R3HDM1: variants seen among roughly 807,000 people sequenced by gnomAD.
R3HDM1 encodes R3H domain-containing protein 1.
A neutral mutation model predicts 141.1 loss-of-function variants in R3HDM1; 46 were observed. That is an observed-to-expected ratio of 0.33 (90% CI 0.26 to 0.42). The LOEUF is 0.42. R3HDM1 is among the 10% of genes least tolerant of loss of function. R3HDM1 has a pLI of 1.00. For missense variants in R3HDM1, 1,184 were observed against 1,368.3 expected (o/e 0.87, Z 2.12); for synonymous variants, 435 against 472.9 (o/e 0.92, Z 1.04).
At chr2:135,593,064 C>T (rs1025642764) in intron 1 of R3HDM1, among the ~76,000 whole-genome samples, 2 of 152,018 alleles carry the variant, frequency 1.3e-5, no homozygotes, top group South Asian at 2.1e-4. Flanking sequence ...GGATTACAGG[C>T]GCCTGCTACC....
intron 23 of R3HDM1, among the ~76,000 whole-genome samples, chr2:135,713,467 T>G (rs2105447916): frequency 6.6e-6 from 1 of 152,328 alleles, no homozygotes; most frequent in South Asian, 2.1e-4. Flanking sequence ...TCCACAGATA[T>G]GCTTCTGGAA....
intron 1 of R3HDM1, among the ~76,000 whole-genome samples, chr2:135,559,642 T>A (rs1701431601): frequency 6.6e-6 from 1 of 152,238 alleles, no homozygotes; most frequent in Non-Finnish European, 1.5e-5. Context: ...ACCATCTCAT[T>A]TCCCTCCTTC....
At chr2:135,653,154 G>T (rs1228733822) in intron 18 of R3HDM1, among the ~76,000 whole-genome samples, 1 of 151,072 alleles carries the variant, frequency 6.6e-6, no homozygotes, top group African/African-American at 2.4e-5. Flanking sequence ...TCAGGAGTTC[G>T]TGACCAGCCT....
intron 3 of R3HDM1, among the ~76,000 whole-genome samples, chr2:135,607,022 C>T (rs1241013834): frequency 1.3e-5 from 2 of 151,670 alleles, no homozygotes; most frequent in African/African-American, 2.4e-5. Context: ...CAGAGTCTCG[C>T]TCTGTCACCA....
chr2:135,585,902 TA>T (rs1319782737), intron 1 of R3HDM1, among the ~76,000 whole-genome samples: 1 of 152,204 alleles, frequency 6.6e-6, no homozygotes, highest in Non-Finnish European at 1.5e-5. Flanking sequence ...TTGTGACAGG[TA>T]AAGTCAGTTG....
At chr2:135,643,030 A>C (rs1465040530) in intron 15 of R3HDM1, among the ~76,000 whole-genome samples, 6 of 152,208 alleles carry the variant, frequency 3.9e-5, no homozygotes, top group Admixed American at 3.9e-4. Flanking sequence ...GGTTTTGGTA[A>C]CATGAAAGAT....
intron 19 of R3HDM1, among the ~76,000 whole-genome samples, chr2:135,663,538 G>T (rs1339477906): frequency 1.3e-5 from 2 of 152,160 alleles, no homozygotes; most frequent in African/African-American, 2.4e-5. Context: ...ATCTAAAAGA[G>T]AAAGGAATTT....
At chr2:135,632,579 G>T (rs2062827829) in intron 9 of R3HDM1, among the ~76,000 whole-genome samples, 1 of 152,214 alleles carries the variant, frequency 6.6e-6, no homozygotes, top group African/African-American at 2.4e-5. Flanking sequence ...TGTTACGGAA[G>T]TAGATCATCA....
intron 1 of R3HDM1, among the ~76,000 whole-genome samples, chr2:135,534,334 A>G (rs556081245): frequency 4.6e-5 from 7 of 152,370 alleles, no homozygotes; most frequent in African/African-American, 1.7e-4. Flanking sequence ...TGTTTAATAC[A>G]GAGTTAAGAT....
intron 1 of R3HDM1, among the ~76,000 whole-genome samples, chr2:135,555,831 G>A (rs1052736325): frequency 7.9e-5 from 12 of 152,254 alleles, no homozygotes; most frequent in Admixed American, 4.6e-4. Context: ...TTTGAGATCA[G>A]CTGGGGCAAC....
chr2:135,547,268 A>G (rs1023707848), intron 1 of R3HDM1, among the ~76,000 whole-genome samples: 3 of 152,170 alleles, frequency 2.0e-5, no homozygotes, highest in African/African-American at 7.2e-5. Flanking sequence ...CAGTACATGC[A>G]CATAGAAATC....
Position 135,680,275 on chromosome 2 carries a change from A to T in R3HDM1, c.2410A>T (p.Met804Leu). The change falls in exon 21 of 27, where the codon ATG (methionine) becomes TTG (leucine). Residue 804 changes from methionine (M) to leucine (L), a missense_variant. Coordinates refer to ENST00000683871, the MANE Select transcript of R3HDM1 (RefSeq NM_001378107.1). ...TCAAGGATCTATGCCCACAACAGGA[A>T]TGCCTGTTTACTATAGTGTCATTCC... is the stretch of plus-strand genomic sequence containing the variant. ...SNQGSMPTTG[M>L]PVYYSVIPPG... 1 of 1,614,092 alleles carries T rather than the reference A, an allele frequency of 6.2e-7. No individual in the cohort carries two copies. Among genetic ancestry groups the T allele is most frequent in the Non-Finnish European group, 8.5e-7 (1 of 1,179,964 alleles).
intron 1 of R3HDM1, among the ~76,000 whole-genome samples, chr2:135,590,004 C>T (rs749994230): frequency 1.3e-5 from 2 of 152,030 alleles, no homozygotes; most frequent in Admixed American, 6.6e-5. Flanking sequence ...TGAACATACA[C>T]GTGTGAGTAA....
intron 11 of R3HDM1, among the ~76,000 whole-genome samples, chr2:135,637,369 A>C (rs1240679972): frequency 6.6e-6 from 1 of 152,134 alleles, no homozygotes; most frequent in Non-Finnish European, 1.5e-5. Flanking sequence ...AAGATTTAAG[A>C]GGAGGCCAGG....
chr2:135,590,858 C>A, intron 1 of R3HDM1: 1 of 365,108 alleles, frequency 2.7e-6, no homozygotes, highest in Non-Finnish European at 3.8e-6. Context: ...TTTTACTGGC[C>A]ACAAAATGCT....
At chr2:135,562,339 G>A (rs1344502874) in intron 1 of R3HDM1, among the ~76,000 whole-genome samples, 1 of 152,058 alleles carries the variant, frequency 6.6e-6, no homozygotes, top group Non-Finnish European at 1.5e-5. Context: ...AAATCATACA[G>A]CATATAGTCT....
intron 1 of R3HDM1, among the ~76,000 whole-genome samples, chr2:135,595,321 A>G (rs1710392860): frequency 6.6e-6 from 1 of 151,774 alleles, no homozygotes; most frequent in Non-Finnish European, 1.5e-5. Flanking sequence ...TTCCCTGACC[A>G]CTCATGTATT....
intron 2 of R3HDM1, among the ~76,000 whole-genome samples, chr2:135,603,653 G>C (rs2059808470): frequency 6.6e-6 from 1 of 152,144 alleles, no homozygotes; most frequent in African/African-American, 2.4e-5. Context: ...TGTCACCCAA[G>C]GTGGAGTCTA....
At chr2:135,581,643 CT>C (rs111518426) in intron 1 of R3HDM1, among the ~76,000 whole-genome samples, 5 of 152,284 alleles carry the variant, frequency 3.3e-5, no homozygotes, top group Admixed American at 1.3e-4. Context: ...ATTTTTGCCC[CT>C]ATCCCAGTTG....
Sources: allele counts gnomAD v4.1 joint callset (sites outside exome capture counted in the v4.1 genomes callset), GRCh38; gene constraint gnomAD v4.1.1; transcripts MANE v1.5; gene names NCBI Gene and HGNC (gene_info 2026-07-23, HGNC 2026-07-21).